The following RAE1 variants were observed in gnomAD, a reference collection of about 807,000 sequenced individuals.
RAE1 encodes the protein mRNA export factor RAE1.
RAE1 carries 13 observed loss-of-function variants against 52.7 expected under a neutral mutation model. The ratio of observed to expected loss-of-function variants is 0.25; its 90% CI spans 0.16 to 0.39. The LOEUF is 0.39. Among genes scored for constraint, RAE1 ranks in the 10% least tolerant of loss-of-function variants. The pLI is 1.00. For missense variants in RAE1, 262 were observed against 459.8 expected, an observed-to-expected ratio of 0.57 and a Z score of 3.93; for synonymous variants, 164 against 153.1, an observed-to-expected ratio of 1.07 and a Z score of -0.52.
intron 8 of RAE1, among the ~76,000 whole-genome samples, chr20:57,369,999 C>G (rs1365993010): frequency 2.0e-5 from 3 of 152,158 alleles, no homozygotes; most frequent in Admixed American, 2.0e-4. Flanking sequence ...TCACCTCTTT[C>G]CCATACACCC....
At position 57,351,427 on chromosome 20, in the gene RAE1, G is replaced by A. The variant is rs1600699369; in HGVS notation, c.-8+5G>A. 24 of 985,364 alleles carry A rather than the reference G, an allele frequency of 2.4e-5. No individual in the cohort carries two copies. The highest frequency in any genetic ancestry group is 2.7e-5 in the Non-Finnish European group (22 of 829,988). The allele number at this position is 985,364 out of a possible 1,614,324, so 61.0% of individuals were successfully genotyped here. ...CCGCCGGGGCGAGACCCCCAGGTAG[G>A]CCCCGTGCCGCGCGCGTCCCGTCGT... On this transcript the variant is annotated splice_donor_5th_base_variant and intron_variant, in intron 1 of 11. Transcript: ENST00000395841.
rs757056341 is a variant in RAE1, at chr20:57,378,448, G to A, written c.*349G>A. ...GCTGTATTTTGTAATAAAGTCTTTTGCAGATTGCTTCCCGAGCTTCCTTTG... is the reference window on the plus strand; with the variant it reads ...GCTGTATTTTGTAATAAAGTCTTTTACAGATTGCTTCCCGAGCTTCCTTTG... On this transcript the variant is annotated 3_prime_UTR_variant, in exon 12 of 12. Coordinates refer to ENST00000395841, the MANE Select transcript of RAE1 (RefSeq NM_003610.4). The A allele has an allele frequency of 3.4e-5, 7 of 207,956 alleles. No homozygotes were observed. Among genetic ancestry groups the A allele is most frequent in the Non-Finnish European group, 4.8e-5 (5 of 104,474 alleles). The allele number at this position is 207,956 out of a possible 1,614,324, so 12.9% of individuals were successfully genotyped here. A position where few individuals can be genotyped will look rare whatever the true frequency, so the allele number is the denominator to read the frequency against.
chr20:57,374,532 CA>C, intron 10 of RAE1, 74 bp from the exon 11 acceptor site: 1 of 1,338,920 alleles, frequency 7.5e-7, no homozygotes, highest in African/African-American at 1.5e-5. Flanking sequence ...CTAACTCAAG[CA>C]GGAAGTGTGC....
intron 2 of RAE1, among the ~76,000 whole-genome samples, chr20:57,354,396 CAG>C (rs2066754510): frequency 6.6e-6 from 1 of 152,250 alleles, no homozygotes; most frequent in South Asian, 2.1e-4. Flanking sequence ...ACTGTTGACT[CAG>C]AATTCCCATG....
intron 7 of RAE1, among the ~76,000 whole-genome samples, 172 bp downstream of exon 7, chr20:57,367,251 T>C (rs2146160834): frequency 6.6e-6 from 1 of 152,148 alleles, no homozygotes; most frequent in South Asian, 2.1e-4. Flanking sequence ...ATTGGGAGAT[T>C]TTTGTGCTGC....
intron 4 of RAE1, chr20:57,357,285 C>G (rs866949171): frequency 6.6e-6 from 1 of 152,234 alleles, no homozygotes; most frequent in African/African-American, 2.4e-5. Context: ...GCTCGCAGCC[C>G]CTGGAAACTA....
chr20:57,373,482 G>T lies in RAE1; in HGVS notation c.650G>T (p.Cys217Phe). The part of the protein sequence containing the change: ...IESPLKHQHR[C>F]VAIFKDKQNK... ...TTTTTATTTTAACTGTAGCATCGGT[G>T]TGTGGCTATTTTTAAAGACAAACAG... Residue 217 changes from cysteine to phenylalanine, a missense_variant, in exon 9 of 12, where the codon TGT (cysteine) becomes TTT (phenylalanine). Coordinates refer to ENST00000395841, the MANE Select transcript of RAE1 (RefSeq NM_003610.4). 1 of 1,613,128 alleles carries T rather than the reference G, an allele frequency of 6.2e-7. No homozygotes were observed. Among genetic ancestry groups the T allele is most frequent in the African/African-American group, 1.3e-5 (1 of 75,012 alleles).
At chr20:57,361,222 G>A (rs1222110470) in intron 4 of RAE1, among the ~76,000 whole-genome samples, 3 of 152,174 alleles carry the variant, frequency 2.0e-5, no homozygotes, top group African/African-American at 4.8e-5. Context: ...TTGATTTAGG[G>A]TTATGGTGTA....
At chr20:57,367,290 T>C (rs887894353) in intron 7 of RAE1, among the ~76,000 whole-genome samples, 12 of 152,074 alleles carry the variant, frequency 7.9e-5, no homozygotes, top group Non-Finnish European at 1.6e-4. Context: ...AAATGCTGGA[T>C]GTCAAGTTTT....
Position 57,366,912 on chromosome 20 carries a change from G to A in RAE1, c.462+19G>A, listed in dbSNP as rs78901108. The A allele has an allele frequency of 2.6e-4, 411 of 1,594,828 alleles. 2 individuals carry two copies. In the African/African-American group the frequency reaches 5.0e-3, roughly 19 times the overall value. On this transcript the variant is annotated intron_variant, in intron 6 of 11. Coordinates refer to ENST00000395841, the MANE Select transcript of RAE1 (RefSeq NM_003610.4). ...TTTAAAGGTATAATGTGCAGTTGAG[G>A]CATTGTTTGGCCCCATCAGGATTGT...
chr20:57,366,383 G>C (rs551845580), intron 5 of RAE1, among the ~76,000 whole-genome samples: 1 of 152,250 alleles, frequency 6.6e-6, no homozygotes, highest in East Asian at 1.9e-4. Flanking sequence ...GTATGGTGCC[G>C]GCATCTGCTC....
At chr20:57,351,718 C>T (rs1784735491) in intron 1 of RAE1, 1 of 985,400 alleles carries the variant, frequency 1.0e-6, no homozygotes, top group Non-Finnish European at 1.2e-6. Flanking sequence ...GGCGTCTCGT[C>T]AGATACATGT....
At chr20:57,374,374 T>C (rs920439957) in intron 10 of RAE1, among the ~76,000 whole-genome samples, 1 of 152,254 alleles carries the variant, frequency 6.6e-6, no homozygotes, top group Non-Finnish European at 1.5e-5. Flanking sequence ...TGTTTCTTGC[T>C]GTCCACATGC....
intron 8 of RAE1, chr20:57,371,789 G>C (rs1237171385): frequency 6.6e-6 from 1 of 152,246 alleles, no homozygotes; most frequent in African/African-American, 2.4e-5. Context: ...CAATAGCCAA[G>C]TGAACAGATA....
intron 7 of RAE1, among the ~76,000 whole-genome samples, chr20:57,368,107 C>T (rs944952909): frequency 3.9e-5 from 6 of 152,198 alleles, no homozygotes; most frequent in African/African-American, 1.4e-4. Context: ...AGGATGGTCT[C>T]GATCTTTTGA....
intron 2 of RAE1, 100 bp downstream of exon 2, chr20:57,354,228 G>T (rs2066751588): frequency 1.0e-6 from 1 of 961,104 alleles, no homozygotes; most frequent in East Asian, 2.5e-5. Flanking sequence ...CCTTTAGGCT[G>T]AAAGCTTTGA....
At chr20:57,359,203 T>C (rs2066851905) in intron 4 of RAE1, 4 of 417,046 alleles carry the variant, frequency 9.6e-6, no homozygotes, top group Non-Finnish European at 1.7e-5. Context: ...GCTGAGTTCC[T>C]TTTATTTTTT....
At chr20:57,366,539 C>A (rs1206784124) in intron 5 of RAE1, among the ~76,000 whole-genome samples, 6 of 152,194 alleles carry the variant, frequency 3.9e-5, no homozygotes, top group African/African-American at 1.2e-4. Context: ...ACTGTGCTAA[C>A]ACAGGAGGGA....
intron 8 of RAE1, 152 bp downstream of exon 8, chr20:57,368,964 T>C: frequency 1.5e-6 from 1 of 649,600 alleles, no homozygotes; most frequent in Non-Finnish European, 2.7e-6. Flanking sequence ...ACTTAGTGAG[T>C]GAATATTAAG....
Sources: allele counts gnomAD v4.1 joint callset (sites outside exome capture counted in the v4.1 genomes callset), GRCh38; gene constraint gnomAD v4.1.1; transcripts MANE v1.5; gene names NCBI Gene and HGNC (gene_info 2026-07-23, HGNC 2026-07-21).